Variants in SCTR observed in about 807,000 individuals in gnomAD.
SCTR encodes the protein pancreatic secretin receptor.
Under a neutral mutation model 60.8 loss-of-function variants are expected in SCTR, and 56 were observed. The observed-to-expected ratio is 0.92, with a 90% confidence interval of 0.74 to 1.15. The LOEUF is 1.15. Ranked by LOEUF, SCTR falls within the 50% of genes most tolerant of loss-of-function variation. SCTR has a pLI of 0.00. For synonymous variants in SCTR, 202 were observed against 217.0 expected (o/e 0.93, Z 0.61); for missense variants, 562 against 550.4 (o/e 1.02, Z -0.21).
At chr2:119,454,651 C>T (rs1413757715) in intron 7 of SCTR, among the ~76,000 whole-genome samples, 2 of 151,954 alleles carry the variant, frequency 1.3e-5, no homozygotes, top group East Asian at 3.9e-4. Context: ...GTCAGGAGTT[C>T]GAGACCAGCC....
At chr2:119,497,253 C>T (rs1573905381) in intron 1 of SCTR, among the ~76,000 whole-genome samples, 1 of 152,050 alleles carries the variant, frequency 6.6e-6, no homozygotes, top group African/African-American at 2.4e-5. Context: ...TCCTCCCCCA[C>T]TCTGCAGGTG....
At chr2:119,458,615 A>G (rs951954227) in intron 7 of SCTR, among the ~76,000 whole-genome samples, 24 of 150,352 alleles carry the variant, frequency 1.6e-4, no homozygotes, top group Non-Finnish European at 3.4e-4. Context: ...AAAAAAAAAA[A>G]GTCTTGCCTC....
chr2:119,512,324 C>T (rs1678977029), intron 1 of SCTR, among the ~76,000 whole-genome samples: 1 of 68,392 alleles, frequency 1.5e-5, no homozygotes, highest in African/African-American at 6.6e-5. Context: ...TCCCCTTCCC[C>T]TTCCCCTTCC....
chr2:119,491,277 G>T (rs983386028), intron 2 of SCTR, among the ~76,000 whole-genome samples: 1 of 152,128 alleles, frequency 6.6e-6, no homozygotes, highest in African/African-American at 2.4e-5. Context: ...TCTTAGGATA[G>T]GATGAAAATC....
At chr2:119,494,638 T>C (rs2104902036) in intron 1 of SCTR, 90 bp from the exon 2 acceptor site, 2 of 1,398,550 alleles carry the variant, frequency 1.4e-6, no homozygotes, top group South Asian at 1.2e-5. Flanking sequence ...GCAGATTCAA[T>C]GGGGATTCAA....
chr2:119,503,706 A>G (rs951114969), intron 1 of SCTR, among the ~76,000 whole-genome samples: 1 of 152,206 alleles, frequency 6.6e-6, no homozygotes, highest in Non-Finnish European at 1.5e-5. Flanking sequence ...TCGATTCTGC[A>G]TGATACTGTA....
intron 1 of SCTR, among the ~76,000 whole-genome samples, chr2:119,513,543 G>A (rs1679021223): frequency 6.6e-6 from 1 of 152,176 alleles, no homozygotes; most frequent in Non-Finnish European, 1.5e-5. Flanking sequence ...TTCAGAGCCT[G>A]AGTCTAAGTC....
At chr2:119,501,408 T>TA (rs1167077655) in intron 1 of SCTR, among the ~76,000 whole-genome samples, 4,342 of 134,902 alleles carry the variant, frequency 0.032, 140 homozygotes, top group African/African-American at 0.088. Flanking sequence ...AGACTCCATC[T>TA]AAAAAAAAAA....
intron 10 of SCTR, 80 bp downstream of exon 10, chr2:119,448,609 C>T (rs1193139721): frequency 2.4e-6 from 2 of 826,568 alleles, no homozygotes; most frequent in Non-Finnish European, 4.2e-6. Flanking sequence ...TCTCCAATAG[C>T]TAGCACCAGT....
intron 7 of SCTR, among the ~76,000 whole-genome samples, chr2:119,454,452 C>T (rs576105526): frequency 6.6e-6 from 1 of 151,966 alleles, no homozygotes; most frequent in East Asian, 1.9e-4. Flanking sequence ...CAGTCTACAC[C>T]AGCGCTCAAG....
At position 119,494,565 on chromosome 2, in the gene SCTR, A is replaced by T. The variant is rs768054389; in HGVS notation, c.73-17T>A. 2 of 1,613,116 alleles carry T rather than the reference A, an allele frequency of 1.2e-6. No homozygotes were observed. Among genetic ancestry groups the T allele is most frequent in the Admixed American group, 3.3e-5 (2 of 59,978 alleles). On this transcript the variant is annotated splice_polypyrimidine_tract_variant and intron_variant, in intron 1 of 12. Coordinates refer to ENST00000019103, the MANE Select transcript of SCTR (RefSeq NM_002980.3). ...GGCTCCAGTCTGCAAGTCCAAAACC[A>T]GGGATGCTCATCATTGCCACTAACT...
At chr2:119,497,824 C>G (rs1278869926) in intron 1 of SCTR, among the ~76,000 whole-genome samples, 1 of 151,982 alleles carries the variant, frequency 6.6e-6, no homozygotes, top group East Asian at 1.9e-4. Flanking sequence ...ATTACACAAC[C>G]TGAACAACAG....
chr2:119,499,962 C>A (rs1678479432), intron 1 of SCTR, among the ~76,000 whole-genome samples: 1 of 151,910 alleles, frequency 6.6e-6, no homozygotes, highest in Non-Finnish European at 1.5e-5. Flanking sequence ...GAAGGAGGAA[C>A]ACATACATAT....
At chr2:119,475,399 A>G (rs1558858497) in intron 3 of SCTR, among the ~76,000 whole-genome samples, 1 of 152,112 alleles carries the variant, frequency 6.6e-6, no homozygotes, top group African/African-American at 2.4e-5. Context: ...CTGACACAGC[A>G]GGACTCCCAA....
At chr2:119,473,346 C>T (rs973552878) in intron 4 of SCTR, 107 bp downstream of exon 4, 7 of 733,982 alleles carry the variant, frequency 9.5e-6, no homozygotes, top group Non-Finnish European at 1.7e-5. Flanking sequence ...TGACCACTGT[C>T]CCAGGCCTGT....
At chr2:119,446,554 CTT>C (rs1682935254) in intron 11 of SCTR, among the ~76,000 whole-genome samples, 1 of 152,180 alleles carries the variant, frequency 6.6e-6, no homozygotes, top group Non-Finnish European at 1.5e-5. Context: ...CTCTGTCTCT[CTT>C]AGTTTTATCT....
At chr2:119,482,135 G>A (rs771020413) in intron 2 of SCTR, among the ~76,000 whole-genome samples, 23 of 152,184 alleles carry the variant, frequency 1.5e-4, no homozygotes, top group Non-Finnish European at 2.6e-4. Flanking sequence ...AGGTGACACC[G>A]GCCCCAGCTG....
At chr2:119,468,170 A>C (rs1324740874) in intron 4 of SCTR, among the ~76,000 whole-genome samples, 3 of 152,182 alleles carry the variant, frequency 2.0e-5, no homozygotes, top group Non-Finnish European at 4.4e-5. Flanking sequence ...TTCTTTTATA[A>C]TTTTTCTATA....
At chr2:119,466,034 A>G in intron 4 of SCTR, 148 bp from the exon 5 acceptor site, 1 of 604,700 alleles carries the variant, frequency 1.7e-6, no homozygotes, top group South Asian at 1.9e-5. Flanking sequence ...GACACATAAC[A>G]CCGTAACATC....
Sources: gnomAD v4.1 joint callset for allele counts (sites outside exome capture counted in the v4.1 genomes callset) on GRCh38, gnomAD v4.1.1 for gene constraint, MANE v1.5 for transcripts, NCBI Gene and HGNC (gene_info 2026-07-23, HGNC 2026-07-21) for gene names.